The following MEI4 variants were observed in gnomAD, a reference collection of about 807,000 sequenced individuals.
MEI4 encodes meiotic double-stranded break formation protein 4.
Under a neutral mutation model 31.4 loss-of-function variants are expected in MEI4, and 27 were observed. The ratio of observed to expected loss-of-function variants is 0.86; its 90% confidence interval spans 0.63 to 1.19. The LOEUF (loss-of-function observed/expected upper bound fraction) is 1.19, where lower values mean the gene tolerates loss of function less well. Among genes scored for constraint, MEI4 ranks in the 50% most tolerant of loss-of-function variants. MEI4 has a pLI of 0.00. For synonymous variants in MEI4, 122 were observed against 145.4 expected (o/e 0.84, Z 1.16); for missense variants, 329 against 398.9 (o/e 0.82, Z 1.49).
intron 3 of MEI4, among the ~76,000 whole-genome samples, chr6:77,798,646 C>A (rs191334576): frequency 2.3e-5 from 2 of 88,406 alleles, no homozygotes; most frequent in African/African-American, 8.3e-5. Flanking sequence ...TCCCCCCTCC[C>A]CCCACCCCAC....
chr6:77,862,845 G>C (rs191491014), intron 4 of MEI4, among the ~76,000 whole-genome samples: 339 of 152,230 alleles, frequency 2.2e-3, no homozygotes, highest in African/African-American at 7.4e-3. Flanking sequence ...AGACTGACAC[G>C]TCACATGGCT....
At chr6:77,776,156 G>GT (rs71809709) in intron 3 of MEI4, among the ~76,000 whole-genome samples, 1,661 of 143,344 alleles carry the variant, frequency 0.012, 16 homozygotes, top group African/African-American at 0.028. Flanking sequence ...TCTGCTAATT[G>GT]TTTTTTTTTT....
intron 4 of MEI4, among the ~76,000 whole-genome samples, chr6:77,918,100 G>T (rs1345368775): frequency 1.3e-5 from 2 of 150,140 alleles, no homozygotes; most frequent in East Asian, 4.1e-4. Context: ...TTATTTCTGA[G>T]GGCTCTGTTC....
chr6:77,800,847 TG>T (rs1201812146), intron 3 of MEI4, among the ~76,000 whole-genome samples: 1 of 152,246 alleles, frequency 6.6e-6, no homozygotes, highest in Non-Finnish European at 1.5e-5. Flanking sequence ...GAAGCCCACT[TG>T]ATCATAGTGG....
intron 3 of MEI4, among the ~76,000 whole-genome samples, chr6:77,781,605 T>C (rs1049759055): frequency 6.6e-6 from 1 of 152,250 alleles, no homozygotes; most frequent in African/African-American, 2.4e-5. Context: ...TCACTCATTA[T>C]GGTCTACATT....
chr6:77,670,667 C>G (rs930511908), intron 1 of MEI4, among the ~76,000 whole-genome samples: 1 of 152,170 alleles, frequency 6.6e-6, no homozygotes, highest in Non-Finnish European at 1.5e-5. Flanking sequence ...CTCAGCATTG[C>G]TTGTTCCTTT....
intron 4 of MEI4, among the ~76,000 whole-genome samples, chr6:77,871,071 A>G (rs1381062884): frequency 3.9e-5 from 6 of 152,214 alleles, no homozygotes; most frequent in African/African-American, 1.4e-4. Context: ...ATTCCTTAAC[A>G]TTCAGATGAA....
intron 2 of MEI4, among the ~76,000 whole-genome samples, chr6:77,697,428 A>G (rs1325536049): frequency 6.6e-6 from 1 of 152,132 alleles, no homozygotes; most frequent in Non-Finnish European, 1.5e-5. Context: ...CCCTCTACAC[A>G]CTGCTTTGAA....
rs549237107 is a variant in MEI4, at chr6:77,865,691, T to C, written c.900+36629T>C. On this transcript the variant is annotated intron_variant, in intron 4 of 4. Transcript: ENST00000684080. ...ACCATTCCTTCTGAAACTATTCCAATCAATAGAAAAAGAGGGAATCCTCCC... is the reference window on the plus strand; with the variant it reads ...ACCATTCCTTCTGAAACTATTCCAACCAATAGAAAAAGAGGGAATCCTCCC... 1.7e-3 allele frequency among the ~76,000 whole-genome samples: 260 copies of C among 152,166 alleles called. 3 individuals carry two copies. The highest frequency in any genetic ancestry group is 1.3e-3 in the Non-Finnish European group (89 of 68,006).
chr6:77,887,540 A>AC (rs1007074543), intron 4 of MEI4, among the ~76,000 whole-genome samples: 30 of 150,486 alleles, frequency 2.0e-4, no homozygotes, highest in African/African-American at 5.1e-4. Flanking sequence ...CAGATGATCC[A>AC]CCCCCCTCAG....
chr6:77,823,295 A>C (rs1644071395), intron 3 of MEI4, among the ~76,000 whole-genome samples: 1 of 152,186 alleles, frequency 6.6e-6, no homozygotes, highest in Non-Finnish European at 1.5e-5. Flanking sequence ...ATTGAGATTG[A>C]AGCATTTACC....
At chr6:77,694,724 C>G (rs186348592) in intron 2 of MEI4, among the ~76,000 whole-genome samples, 1 of 152,068 alleles carries the variant, frequency 6.6e-6, no homozygotes, top group Non-Finnish European at 1.5e-5. Context: ...AATAAACATA[C>G]GTGTGCATGT....
chr6:77,683,078 G>T (rs1262042738), intron 1 of MEI4, among the ~76,000 whole-genome samples: 1 of 152,118 alleles, frequency 6.6e-6, no homozygotes, highest in African/African-American at 2.4e-5. Context: ...CACCTAAGCT[G>T]TTGTTGAATC....
intron 4 of MEI4, among the ~76,000 whole-genome samples, chr6:77,835,700 A>G (rs1198190695): frequency 6.6e-6 from 1 of 152,108 alleles, no homozygotes; most frequent in Non-Finnish European, 1.5e-5. Context: ...TCACTGTACT[A>G]AGGAGATCTG....
chr6:77,739,366 A>G (rs117441659), intron 2 of MEI4, among the ~76,000 whole-genome samples: 1,543 of 152,200 alleles, frequency 0.01, 9 homozygotes, highest in Non-Finnish European at 0.017. Flanking sequence ...TTGTTGGCAC[A>G]TACACACCAT....
intron 4 of MEI4, among the ~76,000 whole-genome samples, chr6:77,840,820 G>C (rs1233009494): frequency 6.6e-6 from 1 of 152,084 alleles, no homozygotes; most frequent in African/African-American, 2.4e-5. Context: ...TCAAATGACT[G>C]CACTTTTCAC....
chr6:77,898,940 G>A (rs546900949), intron 4 of MEI4, among the ~76,000 whole-genome samples: 3 of 152,100 alleles, frequency 2.0e-5, no homozygotes, highest in Non-Finnish European at 4.4e-5. Flanking sequence ...GGACAGAAAT[G>A]GAAGAAGGGA....
chr6:77,865,343 A>T (rs1562017615), intron 4 of MEI4, among the ~76,000 whole-genome samples: 1 of 152,150 alleles, frequency 6.6e-6, no homozygotes, highest in East Asian at 1.9e-4. Context: ...AAGACCAATA[A>T]AGAAGAAAGG....
chr6:77,917,760 T>G lies in MEI4; in HGVS notation c.901-5329T>G, dbSNP rs575720229. 3.1e-3 allele frequency among the ~76,000 whole-genome samples: 464 copies of G among 151,092 alleles called. 3 individuals carry two copies. Among genetic ancestry groups the G allele is most frequent in the Middle Eastern group, 0.01 (3 of 294 alleles). On this transcript the variant is annotated intron_variant, in intron 4 of 4. Coordinates refer to ENST00000684080, the MANE Select transcript of MEI4 (RefSeq NM_001322247.2). ...GTAGTTTCTTTTGCTGTGCAGAAGC[T>G]CTTTAGTTTAATGAGATACCATTTG...
Sources: allele counts gnomAD v4.1 joint callset (sites outside exome capture counted in the v4.1 genomes callset), GRCh38; gene constraint gnomAD v4.1.1; transcripts MANE v1.5; gene names NCBI Gene and HGNC (gene_info 2026-07-23, HGNC 2026-07-21).